The following HSPG2 variants were observed in gnomAD, a reference collection of about 807,000 sequenced individuals.
HSPG2 encodes basement membrane-specific heparan sulfate proteoglycan core protein.
A neutral mutation model predicts 526.6 loss-of-function variants in HSPG2; 278 were observed. That is an observed-to-expected ratio of 0.53 (90% confidence interval 0.48 to 0.58). The LOEUF (loss-of-function observed/expected upper bound fraction) is 0.58. Among genes scored for constraint, HSPG2 ranks in the 20% least tolerant of loss-of-function variants. The probability of loss-of-function intolerance (pLI) is 0.00; values close to 1 mark genes in which losing one functional copy is unlikely to be tolerated. For missense variants in HSPG2, 5,354 were observed against 6,099.5 expected (o/e 0.88, Z 4.07); for synonymous variants, 2,465 against 2,555.4 (o/e 0.96, Z 1.07).
chr1:21,920,150 G>T (rs1021769732), intron 1 of HSPG2, among the ~76,000 whole-genome samples: 1 of 152,162 alleles, frequency 6.6e-6, no homozygotes, highest in African/African-American at 2.4e-5. Flanking sequence ...CGAGTGATCC[G>T]CCAGCCTTGG....
In HSPG2 at chr1:21,887,135, G is replaced by C; in HGVS notation, c.1078+80C>G. ...GAAAGCGGAGGGGCAGGGTAGGGGC[G>C]GGGCAGGAGTGGAAGGCGGGGCAGG... On this transcript the variant is annotated intron_variant, in intron 9 of 96. Transcript: ENST00000374695. This position sits in a 1 kb window ranked among gnomAD's most constrained non-coding sequence, Gnocchi z 5.0. 1 of 1,523,048 alleles carries C rather than the reference G, an allele frequency of 6.6e-7. No individual in the cohort carries two copies. Among genetic ancestry groups the C allele is most frequent in the South Asian group, 1.1e-5 (1 of 87,224 alleles). 94.3% of individuals were successfully genotyped at this position (1,523,048 alleles called of 1,614,324 possible). A position where few individuals can be genotyped will look rare whatever the true frequency, so the allele number is the denominator to read the frequency against.
chr1:21,847,425 G>A lies in HSPG2; in HGVS notation c.8093C>T (p.Ala2698Val), dbSNP rs1638524523. 2 of 1,613,832 alleles carry A rather than the reference G, an allele frequency of 1.2e-6. No homozygotes were observed. The highest frequency in any genetic ancestry group is 1.7e-6 in the Non-Finnish European group (2 of 1,180,012). Residue 2698 changes from alanine to valine, a missense_variant, in exon 62 of 97, where the codon GCC (alanine) becomes GTC (valine). Physicochemically the swap from Ala to Val is moderately conservative, Grantham distance 64. Coordinates refer to ENST00000374695, the MANE Select transcript of HSPG2 (RefSeq NM_005529.7). The surrounding 1 kb of genome is among the most constrained non-coding windows in gnomAD (Gnocchi z 4.1). ...CTCCAGGGCATCGATGTTGTTGTTG[G>A]CCCGGCACACATACTCGCCCGAGTC... ...VADSGEYVCR[A>V]NNNIDALEAS...
chr1:21,839,510 G>A lies in HSPG2; in HGVS notation c.9750C>T (p.Ser3250=). ...APTIHWSKLR[S]PLPWQHRLEG... ...CCAGCCGGTGCTGCCAGGGCAGTGG[G>A]GAACGCAGCTTGGACCAGTGGATGG... The change falls in exon 73 of 97, where the codon TCC becomes TCT. Residue 3250 remains serine (S), a synonymous_variant. Transcript: ENST00000374695. The surrounding 1 kb of genome is among the most constrained non-coding windows in gnomAD (Gnocchi z 4.5). 6.2e-7 allele frequency: 1 copy of A among 1,614,108 alleles called. No homozygotes were observed. The highest frequency in any genetic ancestry group is 8.5e-7 in the Non-Finnish European group (1 of 1,180,012).
intron 2 of HSPG2, 51 bp downstream of exon 2, chr1:21,896,124 C>A (rs1433046441): frequency 6.2e-7 from 1 of 1,612,662 alleles, no homozygotes; most frequent in Non-Finnish European, 8.5e-7. Context: ...TGGGAAGAAG[C>A]ACAGTCTCAC....
intron 1 of HSPG2, among the ~76,000 whole-genome samples, chr1:21,906,879 T>G (rs538867537): frequency 6.6e-6 from 1 of 152,210 alleles, no homozygotes; most frequent in African/African-American, 2.4e-5. Context: ...CAAGTTAGCC[T>G]TAAGTAAGAT....
chr1:21,880,458 G>A lies in HSPG2; in HGVS notation c.2100C>T (p.Thr700=). Residue 700 remains threonine (T), a synonymous_variant, in exon 16 of 97, where the codon ACC becomes ACT. Transcript: ENST00000374695. ...CGCTAAGTCCCACGCTGGCCATCTT[G>A]GTGTTGTACACGGTCTGGATGAGCA... ...EAVLIQTVYN[T]KMASVGLSDI... is the part of the protein sequence containing the mutation. The A allele has an allele frequency of 6.2e-7, 1 of 1,613,934 alleles. No individual in the cohort carries two copies. Among genetic ancestry groups the A allele is most frequent in the Non-Finnish European group, 8.5e-7 (1 of 1,179,976 alleles).
At chr1:21,879,864 G>A (rs1377247602) in intron 17 of HSPG2, among the ~76,000 whole-genome samples, 2 of 152,172 alleles carry the variant, frequency 1.3e-5, no homozygotes, top group African/African-American at 4.8e-5. Flanking sequence ...TGTTGGCCAG[G>A]CTGGTCTCAA....
rs115553724 is a variant in HSPG2, at chr1:21,855,473, G to A, written c.5855-27C>T. On this transcript the variant is annotated intron_variant, in intron 46 of 96. Coordinates refer to ENST00000374695, the MANE Select transcript of HSPG2 (RefSeq NM_005529.7). ...TGCAGACAGAGTCCTGTGAGAACAC[G>A]CCCTGGGCTGAGCACACTCCCGGCC... The A allele has an allele frequency of 0.01, 16,375 of 1,612,436 alleles. 124 individuals carry two copies. The highest frequency in any genetic ancestry group is 0.012 in the Non-Finnish European group (13,671 of 1,179,722).
chr1:21,874,314 C>G (rs1365236075), intron 28 of HSPG2, 92 bp downstream of exon 28: 2 of 1,535,192 alleles, frequency 1.3e-6, no homozygotes, highest in African/African-American at 2.7e-5. Context: ...GATTTAACCA[C>G]TGCCTCTCAG....
chr1:21,914,648 A>C (rs904758219), intron 1 of HSPG2, among the ~76,000 whole-genome samples: 1 of 152,186 alleles, frequency 6.6e-6, no homozygotes, highest in Non-Finnish European at 1.5e-5. Context: ...ATCTCAGACC[A>C]GCTGCAGCTC....
intron 30 of HSPG2, 104 bp downstream of exon 30, chr1:21,873,271 A>T: frequency 7.4e-7 from 1 of 1,356,122 alleles, no homozygotes; most frequent in Non-Finnish European, 1.1e-6. Context: ...ATGAAGAAAC[A>T]GGCTCGGACA....
intron 1 of HSPG2, among the ~76,000 whole-genome samples, chr1:21,914,643 A>C (rs1485477519): frequency 6.6e-6 from 1 of 152,152 alleles, no homozygotes; most frequent in Admixed American, 6.5e-5. Flanking sequence ...ATGTGATCTC[A>C]GACCAGCTGC....
At position 21,859,462 on chromosome 1, in the gene HSPG2, C is replaced by A; in HGVS notation, c.5293+104G>T. The A allele has an allele frequency of 1.1e-6, 1 of 892,912 alleles. No individual in the cohort carries two copies. The allele number at this position is 892,912 out of a possible 1,614,324, so 55.3% of individuals were successfully genotyped here. A position where few individuals can be genotyped will look rare whatever the true frequency, so the allele number is the denominator to read the frequency against. ...ATGGCTGCTGACCTTGTTCGGGCAA[C>A]CACTGCCCCCTCCCAGCAGGTGAAT... On this transcript the variant is annotated intron_variant, in intron 42 of 96. Coordinates refer to ENST00000374695, the MANE Select transcript of HSPG2 (RefSeq NM_005529.7). The surrounding 1 kb of genome is among the most constrained non-coding windows in gnomAD (Gnocchi z 5.3).
In HSPG2 at chr1:21,859,737, A is replaced by T. The variant is rs1639645926; in HGVS notation, c.5183-61T>A. ...TACACTCTTTCTCACATCCAGCCCCATGCACAAGGACAGCATCCCACTAGG... is the reference window on the plus strand; with the variant it reads ...TACACTCTTTCTCACATCCAGCCCCTTGCACAAGGACAGCATCCCACTAGG... On this transcript the variant is annotated intron_variant, in intron 41 of 96. Transcript: ENST00000374695. This position sits in a 1 kb window ranked among gnomAD's most constrained non-coding sequence, Gnocchi z 5.3. The T allele has an allele frequency of 3.8e-6, 6 of 1,583,420 alleles. No homozygotes were observed. The South Asian group carries it at 5.7e-5, about 15-fold the overall frequency.
chr1:21,870,586 C>T (rs1288154219), intron 33 of HSPG2, among the ~76,000 whole-genome samples: 2 of 152,236 alleles, frequency 1.3e-5, no homozygotes, highest in Non-Finnish European at 2.9e-5. Context: ...TCGGGTTAGT[C>T]TCCTTGCTAC....
rs1641004232 is a variant in HSPG2 at position 21,875,684 on chromosome 1, C to T, written c.3247G>A (p.Gly1083Ser). 1 of 1,604,334 alleles carries T rather than the reference C, an allele frequency of 6.2e-7. No homozygotes were observed. The change falls in exon 25 of 97, where the codon GGC (glycine) becomes AGC (serine). Residue 1083 changes from glycine to serine, a missense_variant. Transcript: ENST00000374695. ...GCTCGGATCAGGAGGGTGTCGATGC[C>T]TGCCAGTGCCATCAGCAGGTGCTCC... ...TREHLLMALA[G>S]IDTLLIRASY... is the part of the protein sequence containing the mutation.
intron 50 of HSPG2, 88 bp from the exon 51 acceptor site, chr1:21,853,158 C>T (rs1181424053): frequency 1.3e-6 from 2 of 1,572,214 alleles, no homozygotes; most frequent in Admixed American, 1.7e-5. Context: ...GTGACCAGGC[C>T]CTAGTGGGGA....
At position 21,872,883 on chromosome 1, in the gene HSPG2, A is replaced by ATGCCCTGCCCCCCATGCCCAGG. The variant is rs1349185542; in HGVS notation, c.3888+92_3888+113dup. The stretch of plus-strand genomic sequence containing the variant: ...CCGGGCAGCCCCTGCCCTGTCCCCC[A>ATGCCCTGCCCCCCATGCCCAGG]TGCCCTGCCCCCCATGCCCAGGTCT... On this transcript the variant is annotated intron_variant, in intron 31 of 96. Coordinates refer to ENST00000374695, the MANE Select transcript of HSPG2 (RefSeq NM_005529.7). This position sits in a 1 kb window ranked among gnomAD's most constrained non-coding sequence, Gnocchi z 5.5. The ATGCCCTGCCCCCCATGCCCAGG allele has an allele frequency of 6.5e-7, 1 of 1,531,682 alleles. No homozygotes were observed. Among genetic ancestry groups the ATGCCCTGCCCCCCATGCCCAGG allele is most frequent in the Non-Finnish European group, 9.0e-7 (1 of 1,107,486 alleles). The allele number at this position is 1,531,682 out of a possible 1,614,324, so 94.9% of individuals were successfully genotyped here. A position where few individuals can be genotyped will look rare whatever the true frequency, so the allele number is the denominator to read the frequency against.
intron 6 of HSPG2, among the ~76,000 whole-genome samples, chr1:21,889,281 T>G (rs1642176345): frequency 6.6e-6 from 1 of 151,976 alleles, no homozygotes; most frequent in Non-Finnish European, 1.5e-5. Context: ...CTGTTCGGTC[T>G]AGAGAAAAAA....
Sources: allele counts gnomAD v4.1 joint callset (sites outside exome capture counted in the v4.1 genomes callset), GRCh38; gene constraint gnomAD v4.1.1; non-coding constraint Gnocchi (gnomAD v3.1); transcripts MANE v1.5; gene names NCBI Gene and HGNC (gene_info 2026-07-23, HGNC 2026-07-21).